Variants in PTPA observed in about 807,000 individuals in gnomAD.
PTPA encodes protein phosphatase 2 phosphatase activator.
A neutral mutation model predicts 43.6 loss-of-function variants in PTPA; 13 were observed. The observed-to-expected ratio is 0.30, with a 90% CI of 0.19 to 0.47. PTPA has a LOEUF of 0.47. Ranked by LOEUF, PTPA falls within the 20% of genes least tolerant of loss-of-function variation. The pLI is 0.99. For synonymous variants in PTPA, 172 were observed against 158.2 expected (o/e 1.09, Z -0.66); for missense variants, 329 against 411.9 (o/e 0.80, Z 1.74).
intron 9 of PTPA, among the ~76,000 whole-genome samples, chr9:129,146,802 C>T (rs981824229): frequency 3.9e-5 from 6 of 152,218 alleles, no homozygotes; most frequent in African/African-American, 1.2e-4. Flanking sequence ...GTCGGGCCTC[C>T]CCCGTGCTCA....
At chr9:129,142,787 C>G (rs1248847258) in intron 9 of PTPA, 1 of 1,536,056 alleles carries the variant, frequency 6.5e-7, no homozygotes, top group South Asian at 1.2e-5. Context: ...CAGCTCTGTC[C>G]TGATGAGCTT....
At chr9:129,126,484 A>C (rs965169609) in intron 3 of PTPA, among the ~76,000 whole-genome samples, 6 of 151,986 alleles carry the variant, frequency 3.9e-5, no homozygotes, top group African/African-American at 9.7e-5. Flanking sequence ...CTGGCCAGCT[A>C]GCTCTTATTT....
chr9:129,120,069 C>T (rs1238745047), intron 1 of PTPA, among the ~76,000 whole-genome samples: 1 of 152,112 alleles, frequency 6.6e-6, no homozygotes, highest in Non-Finnish European at 1.5e-5. Flanking sequence ...ATCAGCCTGG[C>T]CAACATGGTG....
chr9:129,135,065 G>C (rs529798972), intron 6 of PTPA, among the ~76,000 whole-genome samples, 171 bp downstream of exon 6: 1 of 152,286 alleles, frequency 6.6e-6, no homozygotes, highest in Admixed American at 6.5e-5. Context: ...TTTTCCAACA[G>C]GTTCAAATTA....
intron 3 of PTPA, among the ~76,000 whole-genome samples, chr9:129,125,587 G>A (rs1337419398): frequency 6.6e-6 from 1 of 151,992 alleles, no homozygotes; most frequent in African/African-American, 2.4e-5. Flanking sequence ...CAGGATTGCA[G>A]TGTGGTTACA....
At chr9:129,120,809 A>G (rs1196816657) in intron 2 of PTPA, among the ~76,000 whole-genome samples, 199 bp downstream of exon 2, 1 of 152,166 alleles carries the variant, frequency 6.6e-6, no homozygotes, top group East Asian at 1.9e-4. Flanking sequence ...AAGGTTGCCT[A>G]CTTTTTCAGG....
At chr9:129,111,681 G>C in intron 1 of PTPA, 50 bp downstream of exon 1, 1 of 1,264,190 alleles carries the variant, frequency 7.9e-7, no homozygotes, top group East Asian at 3.2e-5. Flanking sequence ...GGTGGGGGCG[G>C]TGCCAGGTGT....
chr9:129,135,865 C>T (rs1419442808), intron 6 of PTPA, among the ~76,000 whole-genome samples: 2 of 152,230 alleles, frequency 1.3e-5, no homozygotes, highest in Non-Finnish European at 2.9e-5. Flanking sequence ...TCAGACAGGC[C>T]AACTGAGGCT....
At chr9:129,136,639 C>T (rs748905012) in intron 7 of PTPA, 44 bp downstream of exon 7, 1 of 1,562,546 alleles carries the variant, frequency 6.4e-7, no homozygotes, top group South Asian at 1.2e-5. Flanking sequence ...CCAACCAAGG[C>T]TGCGTTCTGT....
intron 5 of PTPA, among the ~76,000 whole-genome samples, chr9:129,131,874 C>T (rs1190240872): frequency 2.0e-5 from 3 of 152,148 alleles, no homozygotes; most frequent in Non-Finnish European, 4.4e-5. Context: ...AGCTGATGCC[C>T]CGTGCATGGT....
At chr9:129,129,168 C>A (rs1849782030) in intron 4 of PTPA, 58 bp downstream of exon 4, 1 of 1,598,554 alleles carries the variant, frequency 6.3e-7, no homozygotes. Flanking sequence ...GGTTCTGGCA[C>A]CAGTTGGGGA....
rs576782383 is a variant in PTPA, at chr9:129,117,749, G to A, written c.32-2764G>A. On this transcript the variant is annotated intron_variant, in intron 1 of 9. Coordinates refer to ENST00000393370, the MANE Select transcript of PTPA (RefSeq NM_178000.3). Reference sequence around the variant, plus strand: ...GTCTCACTCTGTCACCCAGGCTGGAGTGCAGTGGAACGGTCCAGCTCACTG... The same window carrying A: ...GTCTCACTCTGTCACCCAGGCTGGAATGCAGTGGAACGGTCCAGCTCACTG... Among the ~76,000 whole-genome samples, 796 of 147,702 alleles carry A rather than the reference G, an allele frequency of 5.4e-3. 2 individuals are homozygous for A. The highest frequency in any genetic ancestry group is 7.3e-3 in the Non-Finnish European group (492 of 67,226).
At chr9:129,111,261 G>A, upstream of PTPA, 1 of 1,174,808 alleles carries the variant, frequency 8.5e-7, no homozygotes, top group Non-Finnish European at 1.1e-6. Context: ...GGCAGTCGCG[G>A]CGCCCGACGT....
intron 2 of PTPA, among the ~76,000 whole-genome samples, 163 bp from the exon 3 acceptor site, chr9:129,122,889 A>G (rs1275667857): frequency 6.6e-6 from 1 of 151,858 alleles, no homozygotes; most frequent in Non-Finnish European, 1.5e-5. Flanking sequence ...AGGGGTCGGT[A>G]TTTGGCATTA....
intron 1 of PTPA, 57 bp downstream of exon 1, chr9:129,111,688 G>A (rs910033726): frequency 4.5e-5 from 57 of 1,259,718 alleles, no homozygotes; most frequent in Non-Finnish European, 5.4e-5. Context: ...GCGGTGCCAG[G>A]TGTGGGAGGC....
At chr9:129,117,770 C>T (rs1848976250) in intron 1 of PTPA, among the ~76,000 whole-genome samples, 1 of 150,864 alleles carries the variant, frequency 6.6e-6, no homozygotes, top group Non-Finnish European at 1.5e-5. Flanking sequence ...CGGTCCAGCT[C>T]ACTGCAAGCT....
chr9:129,111,538 G>T lies in PTPA; in HGVS notation c.-63G>T. The T allele has an allele frequency of 7.8e-7, 1 of 1,280,164 alleles. No homozygotes were observed. Among genetic ancestry groups the T allele is most frequent in the Non-Finnish European group, 9.9e-7 (1 of 1,005,046 alleles). 79.3% of individuals were successfully genotyped at this position (1,280,164 alleles called of 1,614,324 possible). ...GGTGGAGCCGGGGAGAGGAAGGGTG[G>T]GTGCAAGAGTGAAAGGCGAGAGGGG... On this transcript the variant is annotated 5_prime_UTR_variant, in exon 1 of 10. Coordinates refer to ENST00000393370, the MANE Select transcript of PTPA (RefSeq NM_178000.3).
At chr9:129,132,693 G>T (rs1850062091) in intron 5 of PTPA, among the ~76,000 whole-genome samples, 1 of 152,198 alleles carries the variant, frequency 6.6e-6, no homozygotes, top group African/African-American at 2.4e-5. Flanking sequence ...ATGTTGGCCA[G>T]GCTGGTCTCG....
chr9:129,120,962 G>T (rs191720356), intron 2 of PTPA, among the ~76,000 whole-genome samples: 1 of 152,344 alleles, frequency 6.6e-6, no homozygotes, highest in South Asian at 2.1e-4. Context: ...AACAGCAAGT[G>T]TGGCAGCCAG....
Sources: allele counts gnomAD v4.1 joint callset (sites outside exome capture counted in the v4.1 genomes callset), GRCh38; gene constraint gnomAD v4.1.1; transcripts MANE v1.5; gene names NCBI Gene and HGNC (gene_info 2026-07-23, HGNC 2026-07-21).